DLG2: variants seen among roughly 807,000 people sequenced by gnomAD.
DLG2 encodes the protein disks large homolog 2.
A neutral mutation model predicts 132.5 loss-of-function variants in DLG2; 45 were observed. The ratio of observed to expected loss-of-function variants is 0.34; its 90% confidence interval spans 0.27 to 0.44. The LOEUF (loss-of-function observed/expected upper bound fraction) is 0.44, where lower values mean the gene tolerates loss of function less well. Among genes scored for constraint, DLG2 ranks in the 20% least tolerant of loss-of-function variants. The pLI is 1.00. For synonymous variants in DLG2, 424 were observed against 419.6 expected (o/e 1.01, Z -0.13); for missense variants, 1,045 against 1,196.9 (o/e 0.87, Z 1.87).
intron 6 of DLG2, among the ~76,000 whole-genome samples, chr11:85,086,675 CT>C (rs1330685129): frequency 1.3e-5 from 2 of 152,122 alleles, no homozygotes; most frequent in Non-Finnish European, 2.9e-5. Flanking sequence ...TCTATAAGCC[CT>C]ATGCATCTTC....
intron 3 of DLG2, among the ~76,000 whole-genome samples, chr11:85,316,307 A>G (rs2080670910): frequency 6.6e-6 from 1 of 152,054 alleles, no homozygotes; most frequent in Admixed American, 6.6e-5. Context: ...CTCATAAACT[A>G]GAAAGACATA....
At chr11:84,882,899 G>T (rs573292921) in intron 6 of DLG2, among the ~76,000 whole-genome samples, 3 of 152,036 alleles carry the variant, frequency 2.0e-5, no homozygotes, top group Non-Finnish European at 2.9e-5. Context: ...TCCTAAGTGA[G>T]AATTGTATAC....
chr11:85,227,046 G>A (rs1484612424), intron 4 of DLG2, among the ~76,000 whole-genome samples: 1 of 152,078 alleles, frequency 6.6e-6, no homozygotes, highest in Non-Finnish European at 1.5e-5. Flanking sequence ...GAGGGTCAGA[G>A]CAGGAATGAC....
intron 9 of DLG2, among the ~76,000 whole-genome samples, chr11:84,129,996 A>G (rs920143801): frequency 6.6e-6 from 1 of 152,082 alleles, no homozygotes; most frequent in African/African-American, 2.4e-5. Flanking sequence ...TACAAACACA[A>G]TATTTAGTAC....
At chr11:85,587,203 TTTG>T (rs1424211705) in intron 3 of DLG2, among the ~76,000 whole-genome samples, 1 of 152,188 alleles carries the variant, frequency 6.6e-6, no homozygotes, top group African/African-American at 2.4e-5. Flanking sequence ...TCTGTAAATA[TTTG>T]TTAAGTCCAT....
At chr11:85,191,154 G>GCGCACACA (rs1167104298) in intron 4 of DLG2, among the ~76,000 whole-genome samples, 1 of 125,084 alleles carries the variant, frequency 8.0e-6, no homozygotes, top group African/African-American at 3.2e-5. Flanking sequence ...GCGCGCGCGC[G>GCGCACACA]CACGCGCGCA....
At chr11:84,017,576 TTAGC>T (rs961485038) in intron 11 of DLG2, among the ~76,000 whole-genome samples, 3 of 152,066 alleles carry the variant, frequency 2.0e-5, no homozygotes, top group African/African-American at 7.2e-5. Flanking sequence ...TTTCATTTAT[TTAGC>T]TAGCTCTTTT....
rs1565607239 is a variant in DLG2, at chr11:84,667,484, GTTT to G, written c.358-132756_358-132754del. Among the ~76,000 whole-genome samples the G allele has an allele frequency of 8.0e-4, 31 of 38,872 alleles. 2 individuals are homozygous for G. Among genetic ancestry groups the G allele is most frequent in the African/African-American group, 2.4e-3 (27 of 11,086 alleles). The allele number at this position is 38,872 out of a possible 152,430, so 25.5% of individuals were successfully genotyped here. A position where few individuals can be genotyped will look rare whatever the true frequency, so the allele number is the denominator to read the frequency against. ...TTGATTCAAGTTTTTTTTTGTTTTT[GTTT>G]TTTGTTTTTTGTTTTTTTTTTTTTT... is the stretch of plus-strand genomic sequence containing the variant. On this transcript the variant is annotated intron_variant, in intron 6 of 27. Transcript: ENST00000376104.
At chr11:85,101,085 C>A (rs2070773265) in intron 6 of DLG2, among the ~76,000 whole-genome samples, 1 of 152,008 alleles carries the variant, frequency 6.6e-6, no homozygotes, top group Non-Finnish European at 1.5e-5. Flanking sequence ...TATTCCAGTG[C>A]CCCAGAACCA....
chr11:84,754,625 G>C (rs2066616666), intron 6 of DLG2, among the ~76,000 whole-genome samples: 1 of 152,102 alleles, frequency 6.6e-6, no homozygotes, highest in Non-Finnish European at 1.5e-5. Context: ...GTGGTTGGTA[G>C]GGGTTGGGAG....
rs144657148 is a variant in DLG2 at position 85,258,590 on chromosome 11, T to C, written c.186+26630A>G. Among the ~76,000 whole-genome samples, 9 of 152,304 alleles carry C rather than the reference T, an allele frequency of 5.9e-5. No individual in the cohort carries two copies. The East Asian group carries it at 1.7e-3, about 29-fold the overall frequency. ...TGCTAAGTGAGCATTTAGTATATAT[T>C]TTTAATGTTTGTAAGCATATACCAG... On this transcript the variant is annotated intron_variant, in intron 4 of 27. Coordinates refer to ENST00000376104, the MANE Select transcript of DLG2 (RefSeq NM_001142699.3).
chr11:83,558,916 A>C (rs1348664448), intron 19 of DLG2, among the ~76,000 whole-genome samples: 1 of 149,876 alleles, frequency 6.7e-6, no homozygotes, highest in Non-Finnish European at 1.5e-5. Flanking sequence ...CCCTCCATCA[A>C]CGAGATTCTC....
intron 6 of DLG2, among the ~76,000 whole-genome samples, chr11:84,830,999 G>GA (rs1039541942): frequency 1.7e-5 from 2 of 117,372 alleles, no homozygotes; most frequent in African/African-American, 6.8e-5. Flanking sequence ...CCCCCATATT[G>GA]AAAAAAGAAG....
intron 17 of DLG2, among the ~76,000 whole-genome samples, chr11:83,793,930 C>A (rs1295913742): frequency 2.0e-5 from 3 of 151,922 alleles, no homozygotes; most frequent in Non-Finnish European, 4.4e-5. Flanking sequence ...AGTAGAAGAG[C>A]CTTAGAAACT....
chr11:84,170,234 T>C (rs1265796652), intron 8 of DLG2, among the ~76,000 whole-genome samples: 1 of 152,198 alleles, frequency 6.6e-6, no homozygotes, highest in Non-Finnish European at 1.5e-5. Flanking sequence ...CTGTGAAATA[T>C]GGCTTGAATT....
intron 6 of DLG2, among the ~76,000 whole-genome samples, chr11:84,971,173 C>A (rs532368441): frequency 3.3e-5 from 5 of 152,232 alleles, no homozygotes; most frequent in African/African-American, 9.6e-5. Context: ...CCAATGTTTG[C>A]CACTTTTACA....
chr11:84,714,817 G>A (rs920993805), intron 6 of DLG2, among the ~76,000 whole-genome samples: 6 of 151,758 alleles, frequency 4.0e-5, no homozygotes, highest in African/African-American at 1.5e-4. Context: ...AAACACCTAA[G>A]ATACTGTATA....
At chr11:85,135,656 CAT>C (rs922156062) in intron 5 of DLG2, among the ~76,000 whole-genome samples, 9 of 152,222 alleles carry the variant, frequency 5.9e-5, no homozygotes, top group South Asian at 2.1e-4. Context: ...TCACCTGACA[CAT>C]GTTTGTTGAG....
intron 8 of DLG2, among the ~76,000 whole-genome samples, chr11:84,181,270 T>A (rs2096119530): frequency 1.3e-5 from 2 of 151,970 alleles, no homozygotes; most frequent in Admixed American, 1.3e-4. Flanking sequence ...TGGTGGAGTG[T>A]TATTTGAAAG....
Sources: gnomAD v4.1 joint callset for allele counts (sites outside exome capture counted in the v4.1 genomes callset) on GRCh38, gnomAD v4.1.1 for gene constraint, MANE v1.5 for transcripts, NCBI Gene and HGNC (gene_info 2026-07-23, HGNC 2026-07-21) for gene names.